The following GRM1 variants were observed in gnomAD, a reference collection of about 807,000 sequenced individuals.
The protein encoded by GRM1 is glutamate metabotropic receptor 1, also known as metabotropic glutamate receptor 1.
Under a neutral mutation model 90.9 loss-of-function variants are expected in GRM1, and 33 were observed. The ratio of observed to expected loss-of-function variants is 0.36; its 90% CI spans 0.28 to 0.49. The LOEUF (loss-of-function observed/expected upper bound fraction) is 0.49, where lower values mean the gene tolerates loss of function less well. Ranked by LOEUF, GRM1 falls within the 20% of genes least tolerant of loss-of-function variation. The probability of loss-of-function intolerance (pLI) is 0.99; values close to 1 mark genes in which losing one functional copy is unlikely to be tolerated. For synonymous variants in GRM1, 700 were observed against 613.2 expected (o/e 1.14, Z -2.09); for missense variants, 1,190 against 1,534.3 (o/e 0.78, Z 3.75).
chr6:146,287,717 G>A (rs989196428), intron 2 of GRM1, among the ~76,000 whole-genome samples: 1 of 152,186 alleles, frequency 6.6e-6, no homozygotes, highest in African/African-American at 2.4e-5. Context: ...GAGTCAGAGA[G>A]GAAAGTGTGG....
At chr6:146,083,146 T>C (rs1218907580) in intron 1 of GRM1, among the ~76,000 whole-genome samples, 1 of 152,176 alleles carries the variant, frequency 6.6e-6, no homozygotes, top group Non-Finnish European at 1.5e-5. Context: ...GCTGAGATGA[T>C]GGTGTTTTCT....
chr6:146,435,695 G>A lies in GRM1; in HGVS notation c.*899G>A, dbSNP rs1176017359. 1 of 152,620 alleles carries A rather than the reference G, an allele frequency of 6.6e-6. No individual in the cohort carries two copies. The highest frequency in any genetic ancestry group is 1.5e-5 in the Non-Finnish European group (1 of 68,040). 9.5% of individuals were successfully genotyped at this position (152,620 alleles called of 1,614,324 possible). A position where few individuals can be genotyped will look rare whatever the true frequency, so the allele number is the denominator to read the frequency against. On this transcript the variant is annotated 3_prime_UTR_variant, in exon 8 of 8. Transcript: ENST00000282753. ...CGATTTGGGGAAAAGGCCGGAACAA[G>A]AGATTGTTACGAGAGTGGCAGAAAC...
chr6:146,338,299 A>C (rs1029202957), intron 3 of GRM1, among the ~76,000 whole-genome samples: 4 of 152,212 alleles, frequency 2.6e-5, no homozygotes, highest in Non-Finnish European at 4.4e-5. Context: ...GGTTCCTAAG[A>C]CTGGCATGGA....
At chr6:146,068,464 T>G (rs900315609) in intron 1 of GRM1, among the ~76,000 whole-genome samples, 1 of 152,182 alleles carries the variant, frequency 6.6e-6, no homozygotes, top group African/African-American at 2.4e-5. Context: ...TGTCTTTGCA[T>G]CCACAATTTT....
chr6:146,356,582 G>T (rs1005348140), intron 4 of GRM1, among the ~76,000 whole-genome samples: 2 of 152,070 alleles, frequency 1.3e-5, no homozygotes, highest in African/African-American at 2.4e-5. Flanking sequence ...TAAGCATTTC[G>T]ACCATAGGAC....
chr6:146,119,073 C>G (rs528672481), intron 1 of GRM1, among the ~76,000 whole-genome samples: 4 of 152,206 alleles, frequency 2.6e-5, no homozygotes, highest in Non-Finnish European at 5.9e-5. Context: ...TGAAAGTGTT[C>G]CTGTTTCTCC....
At chr6:146,387,048 C>T in intron 6 of GRM1, 32 bp downstream of exon 6, 1 of 1,607,564 alleles carries the variant, frequency 6.2e-7, no homozygotes, top group African/African-American at 1.3e-5. Context: ...AACCTTGTGC[C>T]TCACTATTTG....
At chr6:146,084,881 T>C (rs1776488876) in intron 1 of GRM1, among the ~76,000 whole-genome samples, 1 of 152,200 alleles carries the variant, frequency 6.6e-6, no homozygotes, top group South Asian at 2.1e-4. Flanking sequence ...TAAGTCTCTC[T>C]GTAGGTCTCT....
At chr6:146,065,279 G>A (rs1775808021) in intron 1 of GRM1, among the ~76,000 whole-genome samples, 1 of 152,170 alleles carries the variant, frequency 6.6e-6, no homozygotes, top group Non-Finnish European at 1.5e-5. Context: ...TTCAGGCTAT[G>A]TGTGAACCAC....
chr6:146,271,159 C>T (rs979869692), intron 2 of GRM1, among the ~76,000 whole-genome samples: 2 of 151,868 alleles, frequency 1.3e-5, no homozygotes, highest in African/African-American at 4.8e-5. Flanking sequence ...CACATGCCAC[C>T]ATGCCCAGCT....
At chr6:146,161,088 G>A (rs1777706159) in intron 2 of GRM1, among the ~76,000 whole-genome samples, 1 of 152,174 alleles carries the variant, frequency 6.6e-6, no homozygotes, top group Non-Finnish European at 1.5e-5. Context: ...CCAGGACAGA[G>A]GGTGTCCAGA....
chr6:146,060,961 A>ATC (rs1177312832), intron 1 of GRM1, among the ~76,000 whole-genome samples: 2 of 152,066 alleles, frequency 1.3e-5, no homozygotes, highest in Non-Finnish European at 2.9e-5. Context: ...GTGAGATGGT[A>ATC]TCTCATTGTG....
intron 7 of GRM1, among the ~76,000 whole-genome samples, chr6:146,418,585 G>A (rs1418436527): frequency 6.6e-6 from 1 of 150,592 alleles, no homozygotes; most frequent in African/African-American, 2.4e-5. Context: ...AAATTTTCCT[G>A]GGGATATTAT....
At chr6:146,159,130 C>T (rs947970310) in intron 1 of GRM1, among the ~76,000 whole-genome samples, 1 of 152,252 alleles carries the variant, frequency 6.6e-6, no homozygotes, top group Non-Finnish European at 1.5e-5. Flanking sequence ...GGTTCCCTAG[C>T]TCAGATCGTC....
At chr6:146,379,041 C>T (rs531777127) in intron 5 of GRM1, among the ~76,000 whole-genome samples, 1 of 152,244 alleles carries the variant, frequency 6.6e-6, no homozygotes, top group African/African-American at 2.4e-5. Context: ...ATTACCTAGT[C>T]TCAGGTATGT....
chr6:146,083,792 A>C (rs1353696503), intron 1 of GRM1, among the ~76,000 whole-genome samples: 2 of 152,182 alleles, frequency 1.3e-5, no homozygotes, highest in Non-Finnish European at 2.9e-5. Flanking sequence ...TGTTTGGAAT[A>C]GTTTCAGAGG....
intron 7 of GRM1, among the ~76,000 whole-genome samples, chr6:146,404,329 A>AAT (rs200447295): frequency 1.1e-4 from 16 of 151,702 alleles, no homozygotes; most frequent in Admixed American, 5.3e-4. Context: ...GTCAAGATAA[A>AAT]ATATATATAT....
chr6:146,266,897 A>G (rs1781910119), intron 2 of GRM1, among the ~76,000 whole-genome samples: 1 of 152,190 alleles, frequency 6.6e-6, no homozygotes, highest in South Asian at 2.1e-4. Context: ...TCCAACTTTT[A>G]TGTTAAGCTT....
chr6:146,176,762 C>G (rs1301594161), intron 2 of GRM1, among the ~76,000 whole-genome samples: 1 of 151,964 alleles, frequency 6.6e-6, no homozygotes, highest in Non-Finnish European at 1.5e-5. Flanking sequence ...AATCTTTTAA[C>G]GAGGTTACTT....
Sources: allele counts gnomAD v4.1 joint callset (sites outside exome capture counted in the v4.1 genomes callset), GRCh38; gene constraint gnomAD v4.1.1; transcripts MANE v1.5; gene names NCBI Gene and HGNC (gene_info 2026-07-23, HGNC 2026-07-21).